WDR20: variants seen among roughly 807,000 people sequenced by gnomAD.
The protein encoded by WDR20 is WD repeat domain 20.
A neutral mutation model predicts 38.7 loss-of-function variants in WDR20; 3 were observed. That is an observed-to-expected ratio of 0.08 (90% CI 0.04 to 0.20). The LOEUF (loss-of-function observed/expected upper bound fraction) is 0.20. WDR20 is among the 10% of genes least tolerant of loss of function. The pLI is 1.00. For missense variants in WDR20, 559 were observed against 727.7 expected (o/e 0.77, Z 2.67); for synonymous variants, 298 against 285.6 (o/e 1.04, Z -0.44).
At position 102,209,637 on chromosome 14, in the gene WDR20, C is replaced by G; in HGVS notation, c.1467C>G (p.Ser489Arg). The change falls in exon 3 of 3, where the codon AGC becomes AGG. Residue 489 changes from serine to arginine, a missense_variant. Transcript: ENST00000342702. This position sits in a 1 kb window ranked among gnomAD's most constrained non-coding sequence, Gnocchi z 6.0. ...ATCATAGCATGGGACACATTTCTAG[C>G]AAGAGCAGTGACAAACTGAATCTAG... ...KRNHSMGHIS[S>R]KSSDKLNLVT... 6.2e-7 allele frequency: 1 copy of G among 1,614,190 alleles called. No individual in the cohort carries two copies.
chr14:102,202,906 A>G (rs1469091980), intron 2 of WDR20, among the ~76,000 whole-genome samples: 2 of 152,190 alleles, frequency 1.3e-5, no homozygotes, highest in Non-Finnish European at 2.9e-5. Flanking sequence ...ATTCGTGGTT[A>G]TATTTATTAG....
rs555686013 is a variant in WDR20 at position 102,174,468 on chromosome 14, A to G, written c.250-20470A>G. 8.1e-4 allele frequency among the ~76,000 whole-genome samples: 123 copies of G among 152,198 alleles called. 2 individuals carry two copies. The South Asian group carries it at 0.024, about 29-fold the overall frequency. ...AGAGTCTTGCTCTGTCACCCAGGCTAGAGTGCAATGGCACAATCTCGGCTC... is the reference window on the plus strand; with the variant it reads ...AGAGTCTTGCTCTGTCACCCAGGCTGGAGTGCAATGGCACAATCTCGGCTC... On this transcript the variant is annotated intron_variant, in intron 1 of 2. Transcript: ENST00000342702.
chr14:102,162,457 A>T (rs1348842164), intron 1 of WDR20, among the ~76,000 whole-genome samples: 1 of 152,186 alleles, frequency 6.6e-6, no homozygotes, highest in Non-Finnish European at 1.5e-5. Flanking sequence ...AAGTGCCTGT[A>T]CGTAGTAGGC....
intron 1 of WDR20, among the ~76,000 whole-genome samples, chr14:102,173,885 A>G (rs2061511599): frequency 6.6e-6 from 1 of 152,008 alleles, no homozygotes; most frequent in Admixed American, 6.5e-5. Context: ...TCTACTAAAA[A>G]TTCAAAAAAT....
chr14:102,154,054 A>T (rs1011012199), intron 1 of WDR20, among the ~76,000 whole-genome samples: 1 of 152,174 alleles, frequency 6.6e-6, no homozygotes, highest in South Asian at 2.1e-4. Flanking sequence ...CTGTAGTTCC[A>T]GGGGAGACTG....
intron 1 of WDR20, among the ~76,000 whole-genome samples, chr14:102,179,414 CT>C (rs1036826507): frequency 1.4e-5 from 2 of 140,646 alleles, no homozygotes; most frequent in African/African-American, 2.6e-5. Flanking sequence ...GAACTTCTAA[CT>C]TTTTTTTAAA....
intron 1 of WDR20, among the ~76,000 whole-genome samples, chr14:102,176,705 A>G (rs536782628): frequency 5.7e-4 from 86 of 149,616 alleles, no homozygotes; most frequent in Non-Finnish European, 1.1e-3. Context: ...CTCTTTCTCT[A>G]TCTTTTGTAA....
At chr14:102,147,163 G>A (rs2053930396) in intron 1 of WDR20, among the ~76,000 whole-genome samples, 1 of 152,202 alleles carries the variant, frequency 6.6e-6, no homozygotes, top group South Asian at 2.1e-4. Flanking sequence ...GGGAGGCTGA[G>A]GCGGGTGGAT....
exon 4 of WDR20, chr14:102,223,558 G>A (rs1330089819): frequency 6.6e-6 from 1 of 152,406 alleles, no homozygotes; most frequent in Non-Finnish European, 1.5e-5. Flanking sequence ...TGTATTATAT[G>A]TATAAATATT....
chr14:102,195,793 A>G (rs748768516), intron 2 of WDR20: 13 of 152,234 alleles, frequency 8.5e-5, no homozygotes, highest in Non-Finnish European at 1.5e-4. Flanking sequence ...CAAGTAGATT[A>G]TATTTTTTAA....
At chr14:102,149,535 A>C (rs1272532234) in intron 1 of WDR20, among the ~76,000 whole-genome samples, 1 of 152,182 alleles carries the variant, frequency 6.6e-6, no homozygotes, top group Non-Finnish European at 1.5e-5. Flanking sequence ...AAATTTTTAA[A>C]TTTGTTGCCT....
chr14:102,142,774 C>CTTTTTTTTTTTTT (rs71116885), intron 1 of WDR20, among the ~76,000 whole-genome samples: 5 of 85,038 alleles, frequency 5.9e-5, no homozygotes, highest in Non-Finnish European at 1.1e-4. Context: ...GCTGTTTTGA[C>CTTTTTTTTTTTTT]TTTTTTTTTT....
downstream of WDR20, chr14:102,214,188 G>T: frequency 1.0e-6 from 1 of 985,672 alleles, no homozygotes; most frequent in Non-Finnish European, 1.2e-6. Flanking sequence ...CTCCGGTCTG[G>T]TCTGGGTGAC....
At chr14:102,148,355 G>C (rs1186591704) in intron 1 of WDR20, among the ~76,000 whole-genome samples, 1 of 151,912 alleles carries the variant, frequency 6.6e-6, no homozygotes, top group Admixed American at 6.6e-5. Flanking sequence ...GACCAGCCAG[G>C]GCAACATAGT....
chr14:102,169,683 A>G (rs182062592), intron 1 of WDR20, among the ~76,000 whole-genome samples: 2 of 152,054 alleles, frequency 1.3e-5, no homozygotes, highest in African/African-American at 4.8e-5. Context: ...GCCTGCCACT[A>G]CACCCGGCTT....
In WDR20 at chr14:102,208,086, G is replaced by A. The variant is rs563870347; in HGVS notation, c.433-517G>A. Among the ~76,000 whole-genome samples, 3 of 152,310 alleles carry A rather than the reference G, an allele frequency of 2.0e-5. No homozygotes were observed. The highest frequency in any genetic ancestry group is 7.2e-5 in the African/African-American group (3 of 41,560). On this transcript the variant is annotated intron_variant, in intron 2 of 2. Coordinates refer to ENST00000342702, the MANE Select transcript of WDR20 (RefSeq NM_144574.4). This position sits in a 1 kb window ranked among gnomAD's most constrained non-coding sequence, Gnocchi z 5.6. Reference sequence around the variant, plus strand: ...GGATTTCACTCCCCACCTTCGAGCCGCCAGAGCAGAGGGGCAGATGGAACC... The same window carrying A: ...GGATTTCACTCCCCACCTTCGAGCCACCAGAGCAGAGGGGCAGATGGAACC...
chr14:102,142,668 C>T lies in WDR20; in HGVS notation c.249+2496C>T, dbSNP rs1274512329. 2.0e-5 allele frequency among the ~76,000 whole-genome samples: 3 copies of T among 151,406 alleles called. No individual in the cohort carries two copies. In the East Asian group the frequency reaches 5.8e-4, roughly 29 times the overall value. On this transcript the variant is annotated intron_variant, in intron 1 of 2. Transcript: ENST00000342702. The stretch of plus-strand genomic sequence containing the variant: ...TGGAGGTCTTGCCGTGTTGCCCAGG[C>T]TGGTCTTGAACTCCTGGCCTCAAGC...
chr14:102,213,109 C>T, downstream of WDR20: 1 of 986,326 alleles, frequency 1.0e-6, no homozygotes, highest in Non-Finnish European at 1.2e-6. Flanking sequence ...AACTCGCCCT[C>T]CTTGGGTTGG....
chr14:102,222,452 T>G lies in WDR20; in HGVS notation c.1693-378T>G, dbSNP rs908284298. Among the ~76,000 whole-genome samples the G allele has an allele frequency of 2.0e-5, 3 of 152,190 alleles. No homozygotes were observed. Among genetic ancestry groups the G allele is most frequent in the African/African-American group, 7.2e-5 (3 of 41,452 alleles). ...TGTGCGGTCCAGAACTGCGGTGCCC[T>G]GGGCTCAACCCTGGCTGAAGGCGCT... On this transcript the variant is annotated intron_variant, in intron 3 of 3. Transcript: ENST00000335263. This position sits in a 1 kb window ranked among gnomAD's most constrained non-coding sequence, Gnocchi z 4.4.
Sources: allele counts gnomAD v4.1 joint callset (sites outside exome capture counted in the v4.1 genomes callset), GRCh38; gene constraint gnomAD v4.1.1; non-coding constraint Gnocchi (gnomAD v3.1); transcripts MANE v1.5; gene names NCBI Gene and HGNC (gene_info 2026-07-23, HGNC 2026-07-21).